KSR2: variants seen among roughly 807,000 people sequenced by gnomAD.
KSR2 encodes kinase suppressor of ras 2.
A neutral mutation model predicts 107.8 loss-of-function variants in KSR2; 25 were observed. The ratio of observed to expected loss-of-function variants is 0.23; its 90% CI spans 0.17 to 0.32. The LOEUF (loss-of-function observed/expected upper bound fraction) is 0.32, where lower values mean the gene tolerates loss of function less well. Among genes scored for constraint, KSR2 ranks in the 10% least tolerant of loss-of-function variants. KSR2 has a pLI of 1.00. For synonymous variants in KSR2, 480 were observed against 507.0 expected, an observed-to-expected ratio of 0.95 and a Z score of 0.71; for missense variants, 887 against 1,268.9, an observed-to-expected ratio of 0.70 and a Z score of 4.57.
intron 9 of KSR2, among the ~76,000 whole-genome samples, chr12:117,546,699 T>A (rs1363338037): frequency 1.3e-5 from 2 of 152,232 alleles, no homozygotes; most frequent in African/African-American, 4.8e-5. Flanking sequence ...ATTTCTATCA[T>A]TCTATCTTCA....
At chr12:117,545,528 T>C (rs1370852530) in intron 9 of KSR2, among the ~76,000 whole-genome samples, 1 of 152,206 alleles carries the variant, frequency 6.6e-6, no homozygotes, top group Non-Finnish European at 1.5e-5. Context: ...TGTGGAAGTT[T>C]GTGATTTTCA....
At chr12:117,543,221 T>G (rs1241634293) in intron 9 of KSR2, among the ~76,000 whole-genome samples, 1 of 152,248 alleles carries the variant, frequency 6.6e-6, no homozygotes, top group African/African-American at 2.4e-5. Flanking sequence ...CTAGAGTAGC[T>G]GCACCATTTT....
At chr12:117,697,566 C>T (rs907537866) in intron 4 of KSR2, among the ~76,000 whole-genome samples, 1 of 152,136 alleles carries the variant, frequency 6.6e-6, no homozygotes, top group South Asian at 2.1e-4. Flanking sequence ...CATGGTGAAA[C>T]CCTATTCTAC....
At chr12:117,663,481 T>C (rs2136471771) in intron 5 of KSR2, among the ~76,000 whole-genome samples, 1 of 152,320 alleles carries the variant, frequency 6.6e-6, no homozygotes. Flanking sequence ...TTTTCATCAT[T>C]GTTGCAAGCC....
At chr12:117,950,514 C>T (rs1204402453) in intron 1 of KSR2, among the ~76,000 whole-genome samples, 1 of 151,784 alleles carries the variant, frequency 6.6e-6, no homozygotes, top group Non-Finnish European at 1.5e-5. Flanking sequence ...GCAGGTGGAT[C>T]GCTTGAACCC....
intron 4 of KSR2, among the ~76,000 whole-genome samples, chr12:117,685,162 C>A (rs892024694): frequency 6.6e-6 from 1 of 152,224 alleles, no homozygotes; most frequent in Non-Finnish European, 1.5e-5. Flanking sequence ...CTGAGCTCAT[C>A]CAGACAGCGA....
At position 117,469,827 on chromosome 12, in the gene KSR2, T is replaced by C. The variant is rs767115694; in HGVS notation, c.2713-32A>G. ...GAAACCAATGTGTGGTGATTACACA[T>C]AAATGGTGATTTCTTGATTACTCTT... is the stretch of plus-strand genomic sequence containing the variant. On this transcript the variant is annotated intron_variant, in intron 18 of 19. Transcript: ENST00000339824. 135 of 1,610,080 alleles carry C rather than the reference T, an allele frequency of 8.4e-5. No homozygotes were observed. In the Admixed American group the frequency reaches 2.1e-3, roughly 25 times the overall value.
intron 1 of KSR2, among the ~76,000 whole-genome samples, chr12:117,903,556 G>C (rs964021569): frequency 1.3e-5 from 2 of 152,150 alleles, no homozygotes; most frequent in Non-Finnish European, 1.5e-5. Flanking sequence ...GTCCTGCCTG[G>C]GGGCAAACAG....
intron 4 of KSR2, among the ~76,000 whole-genome samples, chr12:117,710,154 C>A (rs1381803366): frequency 2.0e-5 from 3 of 152,074 alleles, no homozygotes; most frequent in African/African-American, 7.2e-5. Context: ...AAATAGCGAG[C>A]CCCGACAGGT....
At chr12:117,677,155 A>G (rs1565956481) in intron 4 of KSR2, 1 of 152,210 alleles carries the variant, frequency 6.6e-6, no homozygotes, top group Non-Finnish European at 1.5e-5. Context: ...TTCTCCCCAC[A>G]CTGCGTTTTT....
chr12:117,568,591 C>T (rs919377320), intron 7 of KSR2, among the ~76,000 whole-genome samples: 1 of 152,104 alleles, frequency 6.6e-6, no homozygotes, highest in Non-Finnish European at 1.5e-5. Context: ...TCTGTTTCCT[C>T]GTCTGTAAAA....
Position 117,582,325 on chromosome 12 carries a change from G to A in KSR2, c.1206C>T (p.Ile402=). The A allele has an allele frequency of 1.2e-6, 2 of 1,613,844 alleles. No individual in the cohort carries two copies. Among genetic ancestry groups the A allele is most frequent in the Non-Finnish European group, 1.7e-6 (2 of 1,179,850 alleles). The change falls in exon 6 of 20, where the codon ATC becomes ATT. Residue 402 remains isoleucine, a synonymous_variant. Transcript: ENST00000339824. ...TLSVPRWSPQ[I]PRRDLGNSIK... ...TGGAGTTGCCGAGATCTCTGCGAGG[G>A]ATCTGCGGGGACCAGCGTGGCACTG... is the stretch of plus-strand genomic sequence containing the variant.
intron 9 of KSR2, among the ~76,000 whole-genome samples, chr12:117,541,501 T>C (rs1041398949): frequency 2.6e-5 from 4 of 152,172 alleles, no homozygotes; most frequent in African/African-American, 9.6e-5. Context: ...CTCCACATGA[T>C]ATAAAAGGGA....
chr12:117,476,392 G>A, intron 17 of KSR2, 72 bp downstream of exon 17: 1 of 1,472,972 alleles, frequency 6.8e-7, no homozygotes, highest in Non-Finnish European at 9.1e-7. Context: ...CCTTCCAAAA[G>A]CACTGAAAGA....
intron 5 of KSR2, among the ~76,000 whole-genome samples, chr12:117,625,513 T>A (rs529778243): frequency 1.3e-5 from 2 of 152,342 alleles, no homozygotes; most frequent in South Asian, 4.1e-4. Context: ...ATTTATTGAT[T>A]TGCATATGTT....
chr12:117,924,572 C>CAAAAAA (rs58789868), intron 1 of KSR2, among the ~76,000 whole-genome samples: 32 of 39,334 alleles, frequency 8.1e-4, no homozygotes, highest in East Asian at 1.3e-3. Context: ...AGCTCCATCT[C>CAAAAAA]AAAAAAAAAA....
At chr12:117,824,987 C>A (rs1176953509) in intron 3 of KSR2, among the ~76,000 whole-genome samples, 1 of 151,954 alleles carries the variant, frequency 6.6e-6, no homozygotes, top group Non-Finnish European at 1.5e-5. Flanking sequence ...TGAGACCAGC[C>A]TGGCCAACAT....
At chr12:117,567,915 T>C (rs1028104374) in intron 7 of KSR2, among the ~76,000 whole-genome samples, 3 of 151,546 alleles carry the variant, frequency 2.0e-5, no homozygotes, top group African/African-American at 7.3e-5. Context: ...TTTGAGCCAG[T>C]GCTTCTAGAA....
intron 5 of KSR2, among the ~76,000 whole-genome samples, chr12:117,648,102 C>T (rs1273229489): frequency 6.6e-6 from 1 of 152,006 alleles, no homozygotes; most frequent in African/African-American, 2.4e-5. Context: ...AACTGGTGGC[C>T]CCATATATAT....
Sources: gnomAD v4.1 joint callset for allele counts (sites outside exome capture counted in the v4.1 genomes callset) on GRCh38, gnomAD v4.1.1 for gene constraint, MANE v1.5 for transcripts, NCBI Gene and HGNC (gene_info 2026-07-23, HGNC 2026-07-21) for gene names.